SLC5A3: variants seen among roughly 807,000 people sequenced by gnomAD.
SLC5A3 encodes the protein sodium/myo-inositol cotransporter.
SLC5A3 carries 10 observed loss-of-function variants against 43.2 expected under a neutral mutation model. That is an observed-to-expected ratio of 0.23 (90% CI 0.14 to 0.39). SLC5A3 has a LOEUF of 0.39. SLC5A3 is among the 10% of genes least tolerant of loss of function. The pLI is 1.00. For missense variants in SLC5A3, 608 were observed against 893.4 expected (o/e 0.68, Z 4.07); for synonymous variants, 349 against 322.0 (o/e 1.08, Z -0.90).
In SLC5A3 at chr21:34,095,225, C is replaced by T; in HGVS notation, c.27C>T (p.Asp9=). Residue 9 remains aspartate, a synonymous_variant, in exon 2 of 2, where the codon GAC becomes GAT. Coordinates refer to ENST00000381151, the MANE Select transcript of SLC5A3 (RefSeq NM_006933.7). ...TGAGAGCTGTACTGGACACAGCAGA[C>T]ATTGCCATAGTGGCCCTGTATTTTA... The part of the protein sequence containing the change: MRAVLDTA[D]IAIVALYFIL... 1 of 1,612,682 alleles carries T rather than the reference C, an allele frequency of 6.2e-7. No individual in the cohort carries two copies. Among genetic ancestry groups the T allele is most frequent in the Non-Finnish European group, 8.5e-7 (1 of 1,179,126 alleles).
chr21:34,099,214 T>C lies in SLC5A3; in HGVS notation c.*1859T>C, dbSNP rs1273118606. 2.0e-6 allele frequency: 2 copies of C among 1,000,208 alleles called. No individual in the cohort carries two copies. Among genetic ancestry groups the C allele is most frequent in the East Asian group, 2.3e-4 (2 of 8,824 alleles). 62.0% of individuals were successfully genotyped at this position (1,000,208 alleles called of 1,614,324 possible). ...AGAATTTTTTTCTCAATTTTATTCT[T>C]GAGGTTTATAATTTGGGGGCCAAAT... On this transcript the variant is annotated 3_prime_UTR_variant, in exon 2 of 2. Transcript: ENST00000381151.
chr21:34,076,253 A>T, intron 1 of SLC5A3, among the ~76,000 whole-genome samples: 1 of 152,068 alleles, frequency 6.6e-6, no homozygotes, highest in East Asian at 1.9e-4. Flanking sequence ...CTGTTTGGAG[A>T]ATATTAACTC....
chr21:34,104,393 G>A lies in SLC5A3; in HGVS notation c.*7038G>A, dbSNP rs1242147482. 2.0e-6 allele frequency: 2 copies of A among 1,000,036 alleles called. No individual in the cohort carries two copies. 61.9% of individuals were successfully genotyped at this position (1,000,036 alleles called of 1,614,324 possible). On this transcript the variant is annotated 3_prime_UTR_variant, in exon 2 of 2. Transcript: ENST00000381151. ...TCCTCACTTCACCTCCGAGTAGCTT[G>A]TTTATCAAGAATGAATGAATGTCTT...
intron 1 of SLC5A3, among the ~76,000 whole-genome samples, chr21:34,078,442 G>A (rs1021812544): frequency 2.0e-5 from 3 of 152,066 alleles, no homozygotes; most frequent in African/African-American, 7.3e-5. Flanking sequence ...TGGTTTGTAT[G>A]TATGAAGACT....
chr21:34,079,208 C>T (rs916576572), intron 1 of SLC5A3, among the ~76,000 whole-genome samples: 1 of 152,142 alleles, frequency 6.6e-6, no homozygotes, highest in African/African-American at 2.4e-5. Flanking sequence ...AACAGCAATA[C>T]TTTATGGCAC....
chr21:34,091,484 A>C (rs529981117), intron 1 of SLC5A3, among the ~76,000 whole-genome samples: 10 of 152,180 alleles, frequency 6.6e-5, no homozygotes, highest in Non-Finnish European at 1.5e-4. Context: ...TCTGGTCATG[A>C]TAACTAATTA....
Position 34,100,863 on chromosome 21 carries a change from C to A in SLC5A3, c.*3508C>A. The A allele has an allele frequency of 5.0e-6, 5 of 1,000,048 alleles. No homozygotes were observed. Among genetic ancestry groups the A allele is most frequent in the Non-Finnish European group, 6.0e-6 (5 of 829,882 alleles). The allele number at this position is 1,000,048 out of a possible 1,614,324, so 61.9% of individuals were successfully genotyped here. A position where few individuals can be genotyped will look rare whatever the true frequency, so the allele number is the denominator to read the frequency against. The stretch of plus-strand genomic sequence containing the variant: ...TTTCATTCTTTACCACCAAATAAAG[C>A]GGCTTATTAGCTACTCAGTTACTTG... On this transcript the variant is annotated 3_prime_UTR_variant, in exon 2 of 2. Coordinates refer to ENST00000381151, the MANE Select transcript of SLC5A3 (RefSeq NM_006933.7).
At position 34,105,537 on chromosome 21, in the gene SLC5A3, C is replaced by A. The variant is rs771003551; in HGVS notation, c.*8182C>A. ...GATGTCTACATTGAAACATGTTCTT[C>A]CCAGTGTCCTGCTTATGATGCTTTG... is the stretch of plus-strand genomic sequence containing the variant. On this transcript the variant is annotated 3_prime_UTR_variant, in exon 2 of 2. Coordinates refer to ENST00000381151, the MANE Select transcript of SLC5A3 (RefSeq NM_006933.7). 1 of 999,352 alleles carries A rather than the reference C, an allele frequency of 1.0e-6. No individual in the cohort carries two copies. The highest frequency in any genetic ancestry group is 1.2e-6 in the Non-Finnish European group (1 of 829,304). The allele number at this position is 999,352 out of a possible 1,614,324, so 61.9% of individuals were successfully genotyped here.
At chr21:34,076,512 T>A (rs1391935901) in intron 1 of SLC5A3, among the ~76,000 whole-genome samples, 3 of 152,212 alleles carry the variant, frequency 2.0e-5, no homozygotes, top group Admixed American at 6.5e-5. Flanking sequence ...AGTTTGCAAG[T>A]AGAAGTTGAT....
intron 1 of SLC5A3, among the ~76,000 whole-genome samples, chr21:34,083,755 CTCATGTG>C (rs1349749288): frequency 6.6e-6 from 1 of 152,174 alleles, no homozygotes; most frequent in Non-Finnish European, 1.5e-5. Flanking sequence ...GAATGCCATT[CTCATGTG>C]TGGACTAAGT....
At chr21:34,084,801 T>A (rs188205227) in intron 1 of SLC5A3, among the ~76,000 whole-genome samples, 1 of 152,202 alleles carries the variant, frequency 6.6e-6, no homozygotes, top group Admixed American at 6.5e-5. Context: ...ATCTTAAAAT[T>A]TTTTTCATTA....
intron 1 of SLC5A3, among the ~76,000 whole-genome samples, chr21:34,083,775 G>A (rs1233460002): frequency 6.6e-6 from 1 of 152,196 alleles, no homozygotes; most frequent in Non-Finnish European, 1.5e-5. Flanking sequence ...GACTAAGTAA[G>A]GGCCAGGAGA....
At chr21:34,074,316 A>G (rs761854435) in intron 1 of SLC5A3, among the ~76,000 whole-genome samples, 15 of 152,058 alleles carry the variant, frequency 9.9e-5, no homozygotes, top group South Asian at 2.1e-4. Flanking sequence ...GTCTCTTGCA[A>G]TCGCTCTCAT....
At chr21:34,082,731 T>C (rs1238291577) in intron 1 of SLC5A3, among the ~76,000 whole-genome samples, 3 of 152,132 alleles carry the variant, frequency 2.0e-5, no homozygotes, top group Non-Finnish European at 4.4e-5. Context: ...CTAACCTTCT[T>C]TTTTTGTCTT....
In SLC5A3 at chr21:34,098,937, G is replaced by T. The variant is rs550661103; in HGVS notation, c.*1582G>T. 1.6e-5 allele frequency: 16 copies of T among 988,558 alleles called. No individual in the cohort carries two copies. The highest frequency in any genetic ancestry group is 5.3e-4 in the Middle Eastern group (1 of 1,880). The allele number at this position is 988,558 out of a possible 1,614,324, so 61.2% of individuals were successfully genotyped here. ...TAGATTGCATGATTTTACTAGGCTTGTATTTAGGGAAATTACTTTCATAAA... is the reference window on the plus strand; with the variant it reads ...TAGATTGCATGATTTTACTAGGCTTTTATTTAGGGAAATTACTTTCATAAA... On this transcript the variant is annotated 3_prime_UTR_variant, in exon 2 of 2. Coordinates refer to ENST00000381151, the MANE Select transcript of SLC5A3 (RefSeq NM_006933.7).
intron 1 of SLC5A3, among the ~76,000 whole-genome samples, chr21:34,075,781 G>A (rs1185806583): frequency 6.6e-6 from 1 of 152,184 alleles, no homozygotes. Context: ...AGACTTCCAG[G>A]TTTTAGACCA....
Position 34,104,738 on chromosome 21 carries a change from A to G in SLC5A3, c.*7383A>G. 2.0e-6 allele frequency: 2 copies of G among 999,216 alleles called. No homozygotes were observed. The highest frequency in any genetic ancestry group is 9.4e-5 in the South Asian group (2 of 21,282). 61.9% of individuals were successfully genotyped at this position (999,216 alleles called of 1,614,324 possible). A position where few individuals can be genotyped will look rare whatever the true frequency, so the allele number is the denominator to read the frequency against. On this transcript the variant is annotated 3_prime_UTR_variant, in exon 2 of 2. Transcript: ENST00000381151. ...GATTACCAGAAGTGCAGGAAAGAGA[A>G]GTTTGAGGAACACCCTTGGCTTAGC... is the stretch of plus-strand genomic sequence containing the variant.
rs11433558 is a variant in SLC5A3 at position 34,103,315 on chromosome 21, T to TAAAAAAAA, written c.*5969_*5976dup. On this transcript the variant is annotated 3_prime_UTR_variant, in exon 2 of 2. Transcript: ENST00000381151. ...ATTTTGTCGTAACTAGTGAAGGAAG[T>TAAAAAAAA]AAAAAAAAAAAAAAAACATGCATTA... 1.9e-4 allele frequency: 170 copies of TAAAAAAAA among 911,590 alleles called. No homozygotes were observed. The South Asian group carries it at 3.5e-3, about 19-fold the overall frequency. 56.5% of individuals were successfully genotyped at this position (911,590 alleles called of 1,614,324 possible).
chr21:34,076,728 G>A (rs1374658757), intron 1 of SLC5A3, among the ~76,000 whole-genome samples: 1 of 152,176 alleles, frequency 6.6e-6, no homozygotes, highest in East Asian at 1.9e-4. Context: ...GTAAAGTAAT[G>A]GATGTTGTGA....
Sources: allele counts gnomAD v4.1 joint callset (sites outside exome capture counted in the v4.1 genomes callset), GRCh38; gene constraint gnomAD v4.1.1; transcripts MANE v1.5; gene names NCBI Gene and HGNC (gene_info 2026-07-23, HGNC 2026-07-21).